The following TMCC1 variants were observed in gnomAD, a reference collection of about 807,000 sequenced individuals.
TMCC1 encodes transmembrane and coiled-coil domains protein 1.
Under a neutral mutation model 52.4 loss-of-function variants are expected in TMCC1, and 15 were observed. That is an observed-to-expected ratio of 0.29 (90% CI 0.19 to 0.44). The LOEUF (loss-of-function observed/expected upper bound fraction) is 0.44, where lower values mean the gene tolerates loss of function less well. TMCC1 is among the 20% of genes least tolerant of loss of function. The pLI, the probability that TMCC1 is intolerant of heterozygous loss-of-function variation, is 1.00. For missense variants in TMCC1, 503 were observed against 806.0 expected (o/e 0.62, Z 4.55); for synonymous variants, 279 against 301.9 (o/e 0.92, Z 0.79).
chr3:129,891,022 A>G (rs1228453390), intron 1 of TMCC1, among the ~76,000 whole-genome samples: 1 of 152,260 alleles, frequency 6.6e-6, no homozygotes, highest in Non-Finnish European at 1.5e-5. Context: ...TGTAAGAATG[A>G]CATGTTATGT....
At chr3:129,766,764 G>A (rs1327469128) in intron 4 of TMCC1, among the ~76,000 whole-genome samples, 1 of 151,726 alleles carries the variant, frequency 6.6e-6, no homozygotes, top group African/African-American at 2.4e-5. Flanking sequence ...GACTACAGGC[G>A]TGCAACACCA....
intron 4 of TMCC1, among the ~76,000 whole-genome samples, chr3:129,694,788 C>T (rs2047278584): frequency 6.6e-6 from 1 of 151,968 alleles, no homozygotes; most frequent in Admixed American, 6.6e-5. Context: ...AATGGGCAGC[C>T]CCTGGGGCTG....
At chr3:129,711,845 T>C (rs1435993899) in intron 4 of TMCC1, among the ~76,000 whole-genome samples, 1 of 62,288 alleles carries the variant, frequency 1.6e-5, no homozygotes, top group Non-Finnish European at 3.6e-5. Context: ...AAAAAAAAAA[T>C]ACAAAAATCA....
chr3:129,841,544 T>C (rs557311028), intron 2 of TMCC1, among the ~76,000 whole-genome samples: 128 of 152,180 alleles, frequency 8.4e-4, no homozygotes, highest in African/African-American at 2.8e-3. Flanking sequence ...GATCGTGTCA[T>C]TGCACTCCAG....
intron 4 of TMCC1, among the ~76,000 whole-genome samples, chr3:129,727,606 G>C (rs2050205877): frequency 6.6e-6 from 1 of 152,060 alleles, no homozygotes; most frequent in Admixed American, 6.6e-5. Context: ...TTAGATAATG[G>C]AGTCTCTTAA....
chr3:129,835,592 T>C (rs1438679364), intron 2 of TMCC1, among the ~76,000 whole-genome samples: 1 of 152,334 alleles, frequency 6.6e-6, no homozygotes, highest in Admixed American at 6.5e-5. Flanking sequence ...CCAAGGTTCT[T>C]GTACTGTCCA....
At chr3:129,791,598 T>C (rs898472990) in intron 4 of TMCC1, among the ~76,000 whole-genome samples, 1 of 152,142 alleles carries the variant, frequency 6.6e-6, no homozygotes, top group Admixed American at 6.5e-5. Context: ...GGTTCTAGAC[T>C]ATTTTGGATG....
At chr3:129,865,497 A>C (rs2060582851) in intron 2 of TMCC1, among the ~76,000 whole-genome samples, 3 of 152,276 alleles carry the variant, frequency 2.0e-5, no homozygotes, top group Admixed American at 6.5e-5. Flanking sequence ...ATAACCAGAA[A>C]AAATATGGAT....
At chr3:129,829,628 C>A (rs2058817874) in intron 3 of TMCC1, among the ~76,000 whole-genome samples, 1 of 151,968 alleles carries the variant, frequency 6.6e-6, no homozygotes, top group Non-Finnish European at 1.5e-5. Context: ...CCATATTTTT[C>A]TTTAAATTTT....
intron 2 of TMCC1, among the ~76,000 whole-genome samples, chr3:129,874,260 G>A (rs1297588653): frequency 6.6e-6 from 1 of 152,160 alleles, no homozygotes; most frequent in South Asian, 2.1e-4. Context: ...GTGACTCAAA[G>A]CTGTTATTTC....
intron 2 of TMCC1, among the ~76,000 whole-genome samples, chr3:129,873,054 C>T (rs1213154665): frequency 6.6e-6 from 1 of 151,986 alleles, no homozygotes; most frequent in Non-Finnish European, 1.5e-5. Flanking sequence ...GCACCCCCCA[C>T]CACGCTTGGC....
At chr3:129,778,673 G>GT (rs2055244446) in intron 4 of TMCC1, among the ~76,000 whole-genome samples, 2 of 68,394 alleles carry the variant, frequency 2.9e-5, no homozygotes, top group Admixed American at 1.5e-4. Context: ...TTAGATCATG[G>GT]TGGGGGGGGG....
intron 4 of TMCC1, among the ~76,000 whole-genome samples, chr3:129,747,952 T>TG (rs2052131455): frequency 6.6e-6 from 1 of 152,160 alleles, no homozygotes; most frequent in Non-Finnish European, 1.5e-5. Flanking sequence ...GGAAACTCCT[T>TG]GGAAATATCT....
chr3:129,763,562 A>G (rs866031199), intron 4 of TMCC1, among the ~76,000 whole-genome samples: 104 of 144,280 alleles, frequency 7.2e-4, no homozygotes, highest in South Asian at 3.3e-3. Flanking sequence ...AAAAAAAAAA[A>G]AAAAAGAAAA....
intron 4 of TMCC1, among the ~76,000 whole-genome samples, chr3:129,760,692 T>TG (rs1206368893): frequency 6.6e-6 from 1 of 151,882 alleles, no homozygotes; most frequent in Non-Finnish European, 1.5e-5. Flanking sequence ...TTAGCCAGGA[T>TG]GGTCTCGATC....
intron 4 of TMCC1, among the ~76,000 whole-genome samples, chr3:129,729,501 C>A (rs981727276): frequency 6.6e-6 from 1 of 151,934 alleles, no homozygotes; most frequent in Admixed American, 6.6e-5. Flanking sequence ...ACAGCTGTTC[C>A]TTGACTTTTG....
chr3:129,797,898 C>A (rs1199996059), intron 4 of TMCC1, among the ~76,000 whole-genome samples: 2 of 151,542 alleles, frequency 1.3e-5, no homozygotes, highest in Non-Finnish European at 2.9e-5. Context: ...TACCAAGGTT[C>A]AGAGAACACA....
At chr3:129,687,645 T>C (rs555331728) in intron 4 of TMCC1, among the ~76,000 whole-genome samples, 6 of 152,346 alleles carry the variant, frequency 3.9e-5, no homozygotes, top group Middle Eastern at 6.8e-3. Context: ...TCAGTCATAG[T>C]AGAGGCAAAG....
chr3:129,692,153 GA>G (rs2047070875), intron 4 of TMCC1, among the ~76,000 whole-genome samples: 1 of 152,080 alleles, frequency 6.6e-6, no homozygotes, highest in African/African-American at 2.4e-5. Flanking sequence ...TTTTCATGTA[GA>G]AAAAATTTAA....
Sources: allele counts gnomAD v4.1 joint callset (sites outside exome capture counted in the v4.1 genomes callset), GRCh38; gene constraint gnomAD v4.1.1; transcripts MANE v1.5; gene names NCBI Gene and HGNC (gene_info 2026-07-23, HGNC 2026-07-21).